Variants in RBFOX1 observed in about 807,000 individuals in gnomAD.
RBFOX1 encodes RNA binding fox-1 homolog 1.
RBFOX1 carries 8 observed loss-of-function variants against 57.7 expected under a neutral mutation model. That is an observed-to-expected ratio of 0.14 (90% CI 0.08 to 0.25). The LOEUF (loss-of-function observed/expected upper bound fraction) is 0.25, where lower values mean the gene tolerates loss of function less well. Among genes scored for constraint, RBFOX1 ranks in the 10% least tolerant of loss-of-function variants. RBFOX1 has a pLI of 1.00. For synonymous variants in RBFOX1, 326 were observed against 222.4 expected (o/e 1.47, Z -4.15); for missense variants, 611 against 548.5 (o/e 1.11, Z -1.14).
chr16:6,841,262 T>G (rs557643880), intron 3 of RBFOX1, among the ~76,000 whole-genome samples: 64 of 152,332 alleles, frequency 4.2e-4, no homozygotes, highest in African/African-American at 1.5e-3. Flanking sequence ...TCAGGTTCTT[T>G]TGAGAATTCC....
intron 3 of RBFOX1, among the ~76,000 whole-genome samples, chr16:6,855,036 G>C (rs184583509): frequency 2.0e-4 from 31 of 151,994 alleles, no homozygotes; most frequent in Non-Finnish European, 3.1e-4. Context: ...TCACTGTTGG[G>C]AGGTGGGTGG....
At chr16:6,361,541 T>C (rs2152869639) in intron 2 of RBFOX1, among the ~76,000 whole-genome samples, 1 of 151,012 alleles carries the variant, frequency 6.6e-6, no homozygotes, top group Admixed American at 6.6e-5. Flanking sequence ...GGCAGAAGAA[T>C]CGCTTGAACC....
chr16:5,908,131 TATACAC>T (rs1451575346), intron 4 of RBFOX1, among the ~76,000 whole-genome samples: 4 of 133,058 alleles, frequency 3.0e-5, no homozygotes, highest in African/African-American at 1.5e-4. Context: ...CACATATATA[TATACAC>T]ATATATACAC....
chr16:6,740,823 A>G (rs976716471), intron 3 of RBFOX1, among the ~76,000 whole-genome samples: 3 of 152,240 alleles, frequency 2.0e-5, no homozygotes, highest in African/African-American at 7.2e-5. Context: ...TAATGCAATC[A>G]TTTCAAAATA....
chr16:6,200,218 C>T (rs945347867), intron 1 of RBFOX1, among the ~76,000 whole-genome samples: 4 of 152,186 alleles, frequency 2.6e-5, no homozygotes, highest in African/African-American at 7.2e-5. Flanking sequence ...CTATTAATAT[C>T]AGAGCTGCGG....
intron 3 of RBFOX1, among the ~76,000 whole-genome samples, chr16:6,911,387 G>A (rs1173035153): frequency 6.6e-6 from 1 of 152,240 alleles, no homozygotes; most frequent in Non-Finnish European, 1.5e-5. Context: ...TAAGGGCTGG[G>A]AGGAGGAATC....
intron 4 of RBFOX1, among the ~76,000 whole-genome samples, chr16:7,092,934 G>A (rs563433863): frequency 6.6e-6 from 1 of 152,078 alleles, no homozygotes; most frequent in African/African-American, 2.4e-5. Context: ...TTCCAAGTTA[G>A]TTGACGCATT....
chr16:7,209,476 C>A (rs915800520), intron 4 of RBFOX1, among the ~76,000 whole-genome samples: 1 of 152,178 alleles, frequency 6.6e-6, no homozygotes, highest in African/African-American at 2.4e-5. Context: ...AACCTCAAGG[C>A]CTTTGCACTT....
chr16:7,091,467 C>A (rs139615424), intron 4 of RBFOX1, among the ~76,000 whole-genome samples: 259 of 151,662 alleles, frequency 1.7e-3, no homozygotes, highest in African/African-American at 6.0e-3. Context: ...GTTGAAAAGA[C>A]GGGGAGAGAG....
intron 4 of RBFOX1, among the ~76,000 whole-genome samples, chr16:5,888,369 C>A (rs1177087755): frequency 6.6e-6 from 1 of 152,122 alleles, no homozygotes; most frequent in Admixed American, 6.5e-5. Flanking sequence ...AATTTATGAT[C>A]ATTTTACTCA....
intron 4 of RBFOX1, among the ~76,000 whole-genome samples, chr16:7,141,828 C>A (rs1013449543): frequency 6.6e-6 from 1 of 152,166 alleles, no homozygotes; most frequent in African/African-American, 2.4e-5. Flanking sequence ...AGCCTTCTGA[C>A]TGGACACCAT....
rs942126748 is a variant in RBFOX1, at chr16:6,020,037, G to C, written c.-127+45G>C. The C allele has an allele frequency of 3.5e-6, 5 of 1,440,608 alleles. No homozygotes were observed. The African/African-American group carries it at 7.1e-5, about 21-fold the overall frequency. 89.2% of individuals were successfully genotyped at this position (1,440,608 alleles called of 1,614,324 possible). On this transcript the variant is annotated intron_variant, in intron 1 of 15. Coordinates refer to ENST00000550418, the MANE Select transcript of RBFOX1 (RefSeq NM_018723.4). ...TTGCCTCTGCACCCACCCTGACCTG[G>C]TGGGTCAGGTCCAGAAGGTCTCATG...
At chr16:7,657,759 A>AT (rs2066685505) in intron 12 of RBFOX1, among the ~76,000 whole-genome samples, 2 of 152,296 alleles carry the variant, frequency 1.3e-5, no homozygotes, top group South Asian at 4.1e-4. Flanking sequence ...ACACATGATC[A>AT]TTCCTCCAGG....
At chr16:6,972,893 G>C (rs1212293266) in intron 3 of RBFOX1, among the ~76,000 whole-genome samples, 3 of 152,198 alleles carry the variant, frequency 2.0e-5, no homozygotes, top group Non-Finnish European at 4.4e-5. Flanking sequence ...GGAGGCTGAA[G>C]TGGGTGGATC....
chr16:7,673,111 C>T (rs949620804), intron 13 of RBFOX1, among the ~76,000 whole-genome samples: 5 of 152,056 alleles, frequency 3.3e-5, no homozygotes, highest in Admixed American at 6.6e-5. Flanking sequence ...ATGCGTAACA[C>T]GTACATGTTA....
chr16:5,383,411 G>A (rs960498248), intron 1 of RBFOX1, among the ~76,000 whole-genome samples: 2 of 152,216 alleles, frequency 1.3e-5, no homozygotes, highest in Non-Finnish European at 2.9e-5. Context: ...AAGGCAGCAG[G>A]ATGGCAGCAC....
intron 4 of RBFOX1, among the ~76,000 whole-genome samples, chr16:7,379,921 T>C (rs1412489465): frequency 1.3e-5 from 2 of 152,208 alleles, no homozygotes; most frequent in Middle Eastern, 6.8e-3. Context: ...GGCACCATCA[T>C]ATCTCACCCC....
At chr16:7,396,357 T>C (rs1171547914) in intron 4 of RBFOX1, among the ~76,000 whole-genome samples, 1 of 152,104 alleles carries the variant, frequency 6.6e-6, no homozygotes, top group African/African-American at 2.4e-5. Context: ...CGGATTCAAA[T>C]GTAATGAGAA....
intron 3 of RBFOX1, among the ~76,000 whole-genome samples, chr16:6,790,215 C>G (rs893529043): frequency 1.1e-5 from 1 of 92,890 alleles, no homozygotes; most frequent in Non-Finnish European, 2.2e-5. Flanking sequence ...GACAGACTCT[C>G]GCTCTGTCAG....
Sources: allele counts gnomAD v4.1 joint callset (sites outside exome capture counted in the v4.1 genomes callset), GRCh38; gene constraint gnomAD v4.1.1; transcripts MANE v1.5; gene names NCBI Gene and HGNC (gene_info 2026-07-23, HGNC 2026-07-21).